ZFHX3: variants seen among roughly 807,000 people sequenced by gnomAD.
The protein encoded by ZFHX3 is zinc finger homeobox protein 3.
A neutral mutation model predicts 279.1 loss-of-function variants in ZFHX3; 42 were observed. The observed-to-expected ratio is 0.15, with a 90% CI of 0.12 to 0.19. ZFHX3 has a LOEUF of 0.19. Among genes scored for constraint, ZFHX3 ranks in the 10% least tolerant of loss-of-function variants. The probability of loss-of-function intolerance (pLI) is 1.00; values close to 1 mark genes in which losing one functional copy is unlikely to be tolerated. For synonymous variants in ZFHX3, 2,293 were observed against 1,957.8 expected (o/e 1.17, Z -4.52); for missense variants, 4,981 against 4,754.0 (o/e 1.05, Z -1.40).
chr16:73,334,148 T>A (rs148535745), intron 3 of ZFHX3, among the ~76,000 whole-genome samples: 2 of 152,124 alleles, frequency 1.3e-5, no homozygotes, highest in Non-Finnish European at 2.9e-5. Context: ...GCCAGGAGAA[T>A]GGAGTCGCCA....
chr16:73,437,526 C>G (rs976141391), intron 3 of ZFHX3, among the ~76,000 whole-genome samples: 12 of 152,102 alleles, frequency 7.9e-5, no homozygotes, highest in Non-Finnish European at 1.3e-4. Context: ...TCCTAAGACA[C>G]ATTAAATGAG....
chr16:73,483,400 G>T, intron 2 of ZFHX3: 1 of 455,844 alleles, frequency 2.2e-6, no homozygotes. Context: ...CCAGGGTAGG[G>T]ACCAAAAGGG....
At chr16:73,322,662 G>A (rs1453979880) in intron 3 of ZFHX3, among the ~76,000 whole-genome samples, 4 of 152,210 alleles carry the variant, frequency 2.6e-5, no homozygotes, top group African/African-American at 4.8e-5. Flanking sequence ...TGAGAGCTAT[G>A]CTGGGTGATC....
rs769603301 is a variant in ZFHX3 at position 72,811,684 on chromosome 16, G to C, written c.3757C>G (p.Arg1253Gly). The C allele has an allele frequency of 1.9e-6, 3 of 1,614,068 alleles. No individual in the cohort carries two copies. In the South Asian group the frequency reaches 3.3e-5, roughly 18 times the overall value. The change falls in exon 7 of 10, where the codon CGC becomes GGC. Residue 1253 changes from arginine to glycine, a missense_variant. Coordinates refer to ENST00000268489, the MANE Select transcript of ZFHX3 (RefSeq NM_006885.4). ...MTQHSVQPML[R>G]CPLCQDMLNN... ...AGCATGTCCTGGCACAGGGGGCAGC[G>C]AAGCATGGGTTGCACCGAGTGCTGC...
At chr16:73,250,393 A>T (rs547321393) in intron 5 of ZFHX3, among the ~76,000 whole-genome samples, 1 of 152,060 alleles carries the variant, frequency 6.6e-6, no homozygotes, top group Non-Finnish European at 1.5e-5. Context: ...GTGTGTGTTT[A>T]TTTTTTGTTG....
chr16:73,064,389 G>A (rs1434095338), upstream of ZFHX3, among the ~76,000 whole-genome samples: 5 of 152,060 alleles, frequency 3.3e-5, no homozygotes, highest in African/African-American at 1.2e-4. Context: ...GCTGAGGTCT[G>A]TCTTCTGAGC....
chr16:73,385,329 C>A (rs1476163611), intron 3 of ZFHX3, among the ~76,000 whole-genome samples: 1 of 152,066 alleles, frequency 6.6e-6, no homozygotes, highest in Non-Finnish European at 1.5e-5. Context: ...TGTGGCTGAG[C>A]AATTAGGGCC....
intron 3 of ZFHX3, among the ~76,000 whole-genome samples, chr16:73,431,787 C>A (rs2017916131): frequency 6.6e-6 from 1 of 151,948 alleles, no homozygotes; most frequent in Admixed American, 6.5e-5. Flanking sequence ...GTACATGGCC[C>A]CCAAGAATCC....
intron 3 of ZFHX3, among the ~76,000 whole-genome samples, chr16:73,340,283 T>C (rs541799255): frequency 6.6e-6 from 1 of 152,234 alleles, no homozygotes; most frequent in Non-Finnish European, 1.5e-5. Context: ...AGTCTGGGAA[T>C]ACAGCCAAGT....
intron 5 of ZFHX3, among the ~76,000 whole-genome samples, chr16:73,180,464 C>T (rs548401940): frequency 6.6e-6 from 1 of 152,140 alleles, no homozygotes; most frequent in Non-Finnish European, 1.5e-5. Context: ...AGAAGGGAGG[C>T]GGATATAGGA....
intron 4 of ZFHX3, among the ~76,000 whole-genome samples, chr16:72,858,125 C>T (rs926477897): frequency 1.3e-5 from 2 of 152,186 alleles, no homozygotes; most frequent in African/African-American, 4.8e-5. Flanking sequence ...TGCCCCCATC[C>T]CATACCCTAA....
intron 1 of ZFHX3, among the ~76,000 whole-genome samples, chr16:73,054,660 G>A (rs1341306689): frequency 6.6e-6 from 1 of 151,928 alleles, no homozygotes; most frequent in Non-Finnish European, 1.5e-5. Context: ...AAATTTGGGA[G>A]AAAAATCACA....
At chr16:73,803,045 C>T (rs1376740036) in intron 1 of ZFHX3, among the ~76,000 whole-genome samples, 2 of 152,168 alleles carry the variant, frequency 1.3e-5, no homozygotes, top group Non-Finnish European at 2.9e-5. Context: ...AGGAGATTTG[C>T]CCGCCTCAGC....
chr16:73,000,178 C>T (rs959360333), intron 1 of ZFHX3, among the ~76,000 whole-genome samples: 2 of 152,212 alleles, frequency 1.3e-5, no homozygotes, highest in African/African-American at 4.8e-5. Flanking sequence ...TGTCTGTCAA[C>T]ACCAGGCTCG....
intron 2 of ZFHX3, among the ~76,000 whole-genome samples, chr16:73,648,264 T>C (rs2142163029): frequency 1.3e-5 from 2 of 152,348 alleles, no homozygotes; most frequent in Middle Eastern, 6.8e-3. Flanking sequence ...ATTTTTCAGG[T>C]AATGAAACAG....
chr16:72,822,591 G>T (rs1228588887), intron 5 of ZFHX3, among the ~76,000 whole-genome samples: 1 of 152,148 alleles, frequency 6.6e-6, no homozygotes, highest in African/African-American at 2.4e-5. Context: ...TGGCACAAAA[G>T]TTAAAGCTGG....
At chr16:73,868,728 C>T (rs879786054) in intron 1 of ZFHX3, among the ~76,000 whole-genome samples, 3 of 152,118 alleles carry the variant, frequency 2.0e-5, no homozygotes, top group Non-Finnish European at 2.9e-5. Flanking sequence ...AAGGCTATCC[C>T]AGTGCAAAAT....
At chr16:73,424,489 G>T (rs1451593390) in intron 3 of ZFHX3, among the ~76,000 whole-genome samples, 1 of 152,116 alleles carries the variant, frequency 6.6e-6, no homozygotes, top group African/African-American at 2.4e-5. Context: ...TGATGGTTTT[G>T]TTCACAGTAC....
chr16:72,828,776 C>G (rs182822122), intron 5 of ZFHX3, among the ~76,000 whole-genome samples: 1 of 152,076 alleles, frequency 6.6e-6, no homozygotes, highest in Admixed American at 6.5e-5. Flanking sequence ...GATCTTAGCT[C>G]ACTGCAGCTT....
Sources: allele counts gnomAD v4.1 joint callset (sites outside exome capture counted in the v4.1 genomes callset), GRCh38; gene constraint gnomAD v4.1.1; transcripts MANE v1.5; gene names NCBI Gene and HGNC (gene_info 2026-07-23, HGNC 2026-07-21).